Variants in NBPF11 observed in about 807,000 individuals in gnomAD.
NBPF11 encodes the protein NBPF family member NBPF11.
NBPF11 carries 72 observed loss-of-function variants against 93.9 expected under a neutral mutation model. The observed-to-expected ratio is 0.77, with a 90% CI of 0.63 to 0.93. NBPF11 has a LOEUF of 0.93. Ranked by LOEUF, NBPF11 falls within the 40% of genes least tolerant of loss-of-function variation. The pLI is 0.00. For missense variants in NBPF11, 705 were observed against 802.2 expected, an observed-to-expected ratio of 0.88 and a Z score of 1.46; for synonymous variants, 224 against 304.9, an observed-to-expected ratio of 0.73 and a Z score of 2.76.
chr1:148,142,289 C>A (rs1202919050), intron 2 of NBPF11, among the ~76,000 whole-genome samples: 1 of 151,972 alleles, frequency 6.6e-6, no homozygotes, highest in Non-Finnish European at 1.5e-5. Flanking sequence ...GAGAGACGCA[C>A]TACTGTAAAA....
In NBPF11 at chr1:148,147,063, C is replaced by T. The variant is rs1444457434; in HGVS notation, c.-548-3377G>A. The T allele has an allele frequency of 2.3e-4, 206 of 889,416 alleles. 2 individuals carry two copies. In the South Asian group the frequency reaches 3.3e-3, roughly 14 times the overall value. 55.1% of individuals were successfully genotyped at this position (889,416 alleles called of 1,614,324 possible). ...CAGTGGATGCACAGGGCCAGAGAGC[C>T]GGACAGGCGAGCTTGGGTGTGCAGG... On this transcript the variant is annotated intron_variant, in intron 1 of 23. Transcript: ENST00000682118.
intron 1 of NBPF11, chr1:148,149,373 T>A: frequency 6.3e-7 from 1 of 1,595,400 alleles, no homozygotes; most frequent in Non-Finnish European, 8.5e-7. Context: ...ACGTCTCCCG[T>A]GCTCATCATC....
At chr1:148,126,408 C>T (rs1331205130) in intron 5 of NBPF11, among the ~76,000 whole-genome samples, 1 of 151,170 alleles carries the variant, frequency 6.6e-6, no homozygotes, top group Admixed American at 6.6e-5. Flanking sequence ...ACCAAGTTCC[C>T]CTCAGAGTCA....
intron 1 of NBPF11, among the ~76,000 whole-genome samples, chr1:148,148,265 C>T (rs1189646132): frequency 6.6e-6 from 1 of 152,248 alleles, no homozygotes; most frequent in Non-Finnish European, 1.5e-5. Context: ...GTCCGAATGC[C>T]AGGCAGAGGG....
intron 16 of NBPF11, 68 bp downstream of exon 16, chr1:148,110,309 GC>G: frequency 1.3e-6 from 2 of 1,554,328 alleles, no homozygotes; most frequent in Non-Finnish European, 8.8e-7. Flanking sequence ...GGGGCACAAG[GC>G]CCAAAGATTA....
Position 148,126,993 on chromosome 1 carries a change from G to C in NBPF11, c.11C>G (p.Ser4Ter). MVV[S>*]AGPWSSEKAE... ...CTTCTCGCTGGACCAAGGGCCGGCT[G>C]ATACCACCATGCTGACGTTTGTGGC... is the stretch of plus-strand genomic sequence containing the variant. The change falls in exon 5 of 24, where the codon TCA (serine) becomes TGA (stop). Residue 4 changes from serine to a stop codon, truncating the protein, a stop_gained. Coordinates refer to ENST00000682118, the MANE Select transcript of NBPF11 (RefSeq NM_001385469.3). LOFTEE classifies it high-confidence loss of function. 4 of 741,720 alleles carry C rather than the reference G, an allele frequency of 5.4e-6. No homozygotes were observed. In the South Asian group the frequency reaches 5.8e-5, roughly 11 times the overall value. The allele number at this position is 741,720 out of a possible 1,614,324, so 45.9% of individuals were successfully genotyped here.
intron 1 of NBPF11, chr1:148,149,383 C>G: frequency 6.3e-7 from 1 of 1,594,188 alleles, no homozygotes; most frequent in Non-Finnish European, 8.5e-7. Context: ...TGCTCATCAT[C>G]CACGGCAGGG....
At position 148,103,453 on chromosome 1, in the gene NBPF11, G is replaced by A; in HGVS notation, c.*443C>T. On this transcript the variant is annotated 3_prime_UTR_variant, in exon 24 of 24. Transcript: ENST00000682118. ...CGACTGATCACTCCCGGCATGTGCT[G>A]CACAGTTATGTGAACGTGTCACACC... 2.7e-6 allele frequency: 2 copies of A among 734,206 alleles called. No individual in the cohort carries two copies. The highest frequency in any genetic ancestry group is 2.8e-5 in the East Asian group (1 of 35,630). 45.5% of individuals were successfully genotyped at this position (734,206 alleles called of 1,614,324 possible).
chr1:148,122,986 T>G (rs1668236805), intron 7 of NBPF11, among the ~76,000 whole-genome samples, 185 bp from the exon 8 acceptor site: 1 of 137,136 alleles, frequency 7.3e-6, no homozygotes, highest in Non-Finnish European at 1.7e-5. Context: ...GCATTTCTGA[T>G]GTGGAGGGCC....
In NBPF11 at chr1:148,102,529, C is replaced by T. The variant is rs1239486673; in HGVS notation, c.*1367G>A. The stretch of plus-strand genomic sequence containing the variant: ...TTGGACAAACTAGACCTTCTCTGCC[C>T]GCAGATGGGCTGAGGTTGGAAACTC... On this transcript the variant is annotated 3_prime_UTR_variant, in exon 24 of 24. Coordinates refer to ENST00000682118, the MANE Select transcript of NBPF11 (RefSeq NM_001385469.3). 13 of 151,628 alleles carry T rather than the reference C, an allele frequency of 8.6e-5. No individual in the cohort carries two copies. Among genetic ancestry groups the T allele is most frequent in the Admixed American group, 2.6e-4 (4 of 15,242 alleles). 9.4% of individuals were successfully genotyped at this position (151,628 alleles called of 1,614,324 possible). A position where few individuals can be genotyped will look rare whatever the true frequency, so the allele number is the denominator to read the frequency against.
rs1203715502 is a variant in NBPF11, at chr1:148,132,695, T to C, written c.-36+2977A>G. Among the ~76,000 whole-genome samples the C allele has an allele frequency of 8.4e-5, 12 of 142,898 alleles. No individual in the cohort carries two copies. In the East Asian group the frequency reaches 1.4e-3, roughly 17 times the overall value. 93.7% of individuals were successfully genotyped at this position (142,898 alleles called of 152,430 possible). On this transcript the variant is annotated intron_variant, in intron 4 of 23. Transcript: ENST00000682118. ...CAATTTTTTGTAGTTTTTGGTGTAC[T>C]GGCCTTACATAAATTTTGTTGACTT...
chr1:148,114,191 G>A (rs1472556822), intron 15 of NBPF11, among the ~76,000 whole-genome samples: 4 of 147,644 alleles, frequency 2.7e-5, no homozygotes, highest in African/African-American at 1.0e-4. Flanking sequence ...TTTTTGAAAA[G>A]ATCAACAAGA....
At chr1:148,148,540 G>C (rs1256668584) in intron 1 of NBPF11, among the ~76,000 whole-genome samples, 4 of 152,014 alleles carry the variant, frequency 2.6e-5, no homozygotes, top group Non-Finnish European at 5.9e-5. Context: ...CCACTCCCAA[G>C]GGAAGGTGCT....
At chr1:148,103,960 C>T (rs1232893836) in intron 23 of NBPF11, 48 bp from the exon 24 acceptor site, 6 of 1,609,892 alleles carry the variant, frequency 3.7e-6, no homozygotes, top group Non-Finnish European at 5.1e-6. Context: ...AAATCAGACA[C>T]CACAGAGCCC....
In NBPF11 at chr1:148,103,915, G is replaced by A. The variant is rs1212305600; in HGVS notation, c.2582-3C>T. The A allele has an allele frequency of 6.2e-7, 1 of 1,610,718 alleles. No individual in the cohort carries two copies. On this transcript the variant is annotated splice_region_variant and splice_polypyrimidine_tract_variant and intron_variant, in intron 23 of 23. Transcript: ENST00000682118. ...CTTCCATCAGCACGCTGCTGAGCCT[G>A]GAAAAGGAGACAAAACTAAAGAAGC...
Position 148,120,459 on chromosome 1 carries a change from C to T in NBPF11, c.988+42G>A, listed in dbSNP as rs1667565095. The T allele has an allele frequency of 9.2e-6, 8 of 867,646 alleles. No homozygotes were observed. The East Asian group carries it at 1.2e-4, about 13-fold the overall frequency. The allele number at this position is 867,646 out of a possible 1,614,324, so 53.7% of individuals were successfully genotyped here. A position where few individuals can be genotyped will look rare whatever the true frequency, so the allele number is the denominator to read the frequency against. ...TTAGTTTCTCAGAGAGAAGACAGGA[C>T]TTCGTTCATCACTTTCGTGATGGTG... is the stretch of plus-strand genomic sequence containing the variant. On this transcript the variant is annotated intron_variant, in intron 10 of 23. Transcript: ENST00000682118.
chr1:148,122,333 C>T, intron 8 of NBPF11, 67 bp from the exon 9 acceptor site: 1 of 1,609,726 alleles, frequency 6.2e-7, no homozygotes, highest in Non-Finnish European at 8.5e-7. Context: ...CCAAGGAGTC[C>T]TAGCTGGTTT....
rs1434278943 is a variant in NBPF11 at position 148,139,927 on chromosome 1, A to C, written c.-276-2118T>G. On this transcript the variant is annotated intron_variant, in intron 2 of 23. Transcript: ENST00000682118. ...TCCTTGAAGACCAGACTAAGGGGGA[A>C]TCTTACACATTTCCAAGTTTTACTA... is the stretch of plus-strand genomic sequence containing the variant. 5.1e-3 allele frequency among the ~76,000 whole-genome samples: 775 copies of C among 150,516 alleles called. 3 individuals are homozygous for C. The highest frequency in any genetic ancestry group is 6.6e-3 in the Non-Finnish European group (446 of 67,742).
chr1:148,119,789 G>A (rs1667410877), intron 10 of NBPF11, among the ~76,000 whole-genome samples: 1 of 151,890 alleles, frequency 6.6e-6, no homozygotes, highest in Admixed American at 6.6e-5. Context: ...CTGAGCAGGG[G>A]TGATTACAGT....
Sources: allele counts gnomAD v4.1 joint callset (sites outside exome capture counted in the v4.1 genomes callset), GRCh38; gene constraint gnomAD v4.1.1; transcripts MANE v1.5; gene names NCBI Gene and HGNC (gene_info 2026-07-23, HGNC 2026-07-21).